Variants in KCNQ1 observed in about 807,000 individuals in gnomAD.
KCNQ1 encodes potassium voltage-gated channel subfamily KQT member 1.
In KCNQ1, 49 loss-of-function variants were observed where a neutral mutation model predicts 72.4. The ratio of observed to expected loss-of-function variants is 0.68; its 90% CI spans 0.54 to 0.86. The LOEUF (loss-of-function observed/expected upper bound fraction) is 0.86, where lower values mean the gene tolerates loss of function less well. Among genes scored for constraint, KCNQ1 ranks in the 40% least tolerant of loss-of-function variants. The pLI is 0.00. For missense variants in KCNQ1, 790 were observed against 945.1 expected (o/e 0.84, Z 2.15); for synonymous variants, 450 against 412.6 (o/e 1.09, Z -1.10).
chr11:2,734,027 A>G lies in KCNQ1; in HGVS notation c.1515-34817A>G, dbSNP rs1193795459. 6.6e-6 allele frequency among the ~76,000 whole-genome samples: 1 copy of G among 151,910 alleles called. No individual in the cohort carries two copies. The highest frequency in any genetic ancestry group is 6.6e-5 in the Admixed American group (1 of 15,262). On this transcript the variant is annotated intron_variant, in intron 11 of 15. Coordinates refer to ENST00000155840, the MANE Select transcript of KCNQ1 (RefSeq NM_000218.3). The surrounding 1 kb of genome is among the most constrained non-coding windows in gnomAD (Gnocchi z 7.0). ...TCAGAGCAGTTGCGCGCTCTAAATC[A>G]GGACCACCTTGCGGTTCTCCCAGCC... is the stretch of plus-strand genomic sequence containing the variant.
At chr11:2,586,195 C>A (rs547316947) in intron 8 of KCNQ1, among the ~76,000 whole-genome samples, 5 of 152,204 alleles carry the variant, frequency 3.3e-5, no homozygotes, top group Non-Finnish European at 7.4e-5. Context: ...GCCTGATGTC[C>A]CCCAGGAAGG....
Position 2,680,203 on chromosome 11 carries a change from A to G in KCNQ1, c.1514+18122A>G, listed in dbSNP as rs1422806559. ...CAATGCACCTGGCCTCAGCTTGCCT[A>G]ATTAAAAAAAAAAAAAAAAAAAAAG... On this transcript the variant is annotated intron_variant, in intron 11 of 15. Transcript: ENST00000155840. 5 of 366,736 alleles carry G rather than the reference A, an allele frequency of 1.4e-5. No individual in the cohort carries two copies. In the South Asian group the frequency reaches 5.0e-4, roughly 37 times the overall value. The allele number at this position is 366,736 out of a possible 1,614,324, so 22.7% of individuals were successfully genotyped here.
rs985241341 is a variant in KCNQ1 at position 2,769,756 on chromosome 11, C to T, written c.1590+837C>T. The stretch of plus-strand genomic sequence containing the variant: ...GGTGACTTGCCTGAGTCCCTTGGAG[C>T]GGGGGGCGTGTGACGTGCTTGAGTG... On this transcript the variant is annotated intron_variant, in intron 12 of 15. Coordinates refer to ENST00000155840, the MANE Select transcript of KCNQ1 (RefSeq NM_000218.3). This position sits in a 1 kb window ranked among gnomAD's most constrained non-coding sequence, Gnocchi z 4.6. Among the ~76,000 whole-genome samples the T allele has an allele frequency of 4.6e-5, 7 of 151,982 alleles. No homozygotes were observed. Among genetic ancestry groups the T allele is most frequent in the African/African-American group, 1.2e-4 (5 of 41,336 alleles).
In KCNQ1 at chr11:2,673,980, G is replaced by A. The variant is rs954551285; in HGVS notation, c.1514+11899G>A. ...AGCCACAAGGGGATGCCCAGCATTG[G>A]GGGTGGGGTGGGGGGAGGGCCCTCC... On this transcript the variant is annotated intron_variant, in intron 11 of 15. Coordinates refer to ENST00000155840, the MANE Select transcript of KCNQ1 (RefSeq NM_000218.3). This position sits in a 1 kb window ranked among gnomAD's most constrained non-coding sequence, Gnocchi z 4.5. The A allele has an allele frequency of 2.9e-5, 6 of 207,796 alleles. No individual in the cohort carries two copies. The highest frequency in any genetic ancestry group is 4.7e-5 in the Non-Finnish European group (5 of 107,452). The allele number at this position is 207,796 out of a possible 1,614,324, so 12.9% of individuals were successfully genotyped here.
At chr11:2,560,903 G>T (rs1329173038) in intron 2 of KCNQ1, among the ~76,000 whole-genome samples, 1 of 152,094 alleles carries the variant, frequency 6.6e-6, no homozygotes, top group African/African-American at 2.4e-5. Flanking sequence ...GGAGAGTGAG[G>T]CTGCGCGGTG....
chr11:2,726,331 G>T (rs889725603), intron 11 of KCNQ1, among the ~76,000 whole-genome samples: 1 of 152,252 alleles, frequency 6.6e-6, no homozygotes, highest in Non-Finnish European at 1.5e-5. Context: ...CCCCTGGATG[G>T]GTTTGGGGGA....
rs954808703 is a variant in KCNQ1, at chr11:2,826,483, C to T, written c.1795-21284C>T. Among the ~76,000 whole-genome samples the T allele has an allele frequency of 1.3e-5, 2 of 152,234 alleles. No individual in the cohort carries two copies. Among genetic ancestry groups the T allele is most frequent in the African/African-American group, 2.4e-5 (1 of 41,470 alleles). Reference sequence around the variant, plus strand: ...ACAGTCACGGAAACTCAGGCAGACCCGGCGTTGGGTGCGCCAGGCCGGTGT... The same window carrying T: ...ACAGTCACGGAAACTCAGGCAGACCTGGCGTTGGGTGCGCCAGGCCGGTGT... On this transcript the variant is annotated intron_variant, in intron 15 of 15. Transcript: ENST00000155840. This position sits in a 1 kb window ranked among gnomAD's most constrained non-coding sequence, Gnocchi z 4.2.
intron 11 of KCNQ1, chr11:2,685,716 G>A (rs2133885806): frequency 2.5e-6 from 1 of 398,698 alleles, no homozygotes; most frequent in Non-Finnish European, 4.4e-6. Context: ...CCCCAGGGAG[G>A]GTGCTCTGAC....
chr11:2,811,987 C>A (rs1350497731), intron 15 of KCNQ1, among the ~76,000 whole-genome samples: 1 of 152,130 alleles, frequency 6.6e-6, no homozygotes, highest in African/African-American at 2.4e-5. Context: ...TGGCACGCAG[C>A]CCCACCGGCT....
intron 1 of KCNQ1, among the ~76,000 whole-genome samples, chr11:2,506,986 G>A (rs1407622950): frequency 6.6e-6 from 1 of 152,156 alleles, no homozygotes; most frequent in Admixed American, 6.5e-5. Flanking sequence ...AATGTGAATT[G>A]TTTTCCCAGC....
rs1299046034 is a variant in KCNQ1, at chr11:2,848,513, A to AGGGCCT, written c.*519_*524dup. On this transcript the variant is annotated 3_prime_UTR_variant, in exon 16 of 16. Coordinates refer to ENST00000155840, the MANE Select transcript of KCNQ1 (RefSeq NM_000218.3). ...AATAAAAGCCCAGGAGCCCATTTGG[A>AGGGCCT]GGGCCTGGGCCTGGCTCCCTCACTC... The AGGGCCT allele has an allele frequency of 2.2e-6, 1 of 455,078 alleles. No homozygotes were observed. Among genetic ancestry groups the AGGGCCT allele is most frequent in the Non-Finnish European group, 4.4e-6 (1 of 227,422 alleles). 28.2% of individuals were successfully genotyped at this position (455,078 alleles called of 1,614,324 possible). A position where few individuals can be genotyped will look rare whatever the true frequency, so the allele number is the denominator to read the frequency against.
At chr11:2,485,035 T>C (rs2133617808) in intron 1 of KCNQ1, among the ~76,000 whole-genome samples, 1 of 152,258 alleles carries the variant, frequency 6.6e-6, no homozygotes, top group Non-Finnish European at 1.5e-5. Flanking sequence ...CTGGCGCCTG[T>C]GCATGGCGTC....
intron 12 of KCNQ1, 34 bp from the exon 13 acceptor site, chr11:2,775,926 G>T (rs1332997013): frequency 6.5e-7 from 1 of 1,547,276 alleles, no homozygotes; most frequent in African/African-American, 1.4e-5. Context: ...GGGGCACAGG[G>T]AGGAGAAGTG....
intron 11 of KCNQ1, chr11:2,699,050 G>A (rs1224894465): frequency 5.0e-6 from 2 of 398,436 alleles, no homozygotes; most frequent in Non-Finnish European, 4.4e-6. Flanking sequence ...GTCCCAATTC[G>A]GGCTTTGACT....
rs1278915966 is a variant in KCNQ1 at position 2,769,901 on chromosome 11, C to T, written c.1590+982C>T. On this transcript the variant is annotated intron_variant, in intron 12 of 15. Transcript: ENST00000155840. The surrounding 1 kb of genome is among the most constrained non-coding windows in gnomAD (Gnocchi z 4.6). ...AGGAAGGCTCAGCAATGTCCGCCGA[C>T]CACCAGGACCCACAGTCGGTGGCAT... Among the ~76,000 whole-genome samples the T allele has an allele frequency of 1.3e-5, 2 of 152,230 alleles. No homozygotes were observed. The highest frequency in any genetic ancestry group is 3.9e-4 in the East Asian group (2 of 5,176).
chr11:2,622,913 C>T, intron 10 of KCNQ1: 2 of 398,636 alleles, frequency 5.0e-6, no homozygotes, highest in Non-Finnish European at 8.8e-6. Context: ...AACATTAGGG[C>T]TCACTGTTGG....
At chr11:2,770,450 C>A (rs561983748) in intron 12 of KCNQ1, among the ~76,000 whole-genome samples, 1 of 152,264 alleles carries the variant, frequency 6.6e-6, no homozygotes, top group Non-Finnish European at 1.5e-5. Context: ...TCGGCCAGGC[C>A]CTTGCCAAGA....
chr11:2,510,588 A>G (rs1357561394), intron 1 of KCNQ1, among the ~76,000 whole-genome samples: 2 of 152,250 alleles, frequency 1.3e-5, no homozygotes, highest in African/African-American at 2.4e-5. Context: ...TCTGGGTGTC[A>G]GAACCAGGCC....
chr11:2,642,120 A>G lies in KCNQ1; in HGVS notation c.1394-19841A>G, dbSNP rs1459154985. 2.5e-6 allele frequency: 1 copy of G among 398,240 alleles called. No individual in the cohort carries two copies. The highest frequency in any genetic ancestry group is 4.4e-6 in the Non-Finnish European group (1 of 225,926). The allele number at this position is 398,240 out of a possible 1,614,324, so 24.7% of individuals were successfully genotyped here. Reference sequence around the variant, plus strand: ...GCTATTCCAGCTCTTTTTTGGTTCCATCTGAATTTTAGGATTTTTTCTATT... The same window carrying G: ...GCTATTCCAGCTCTTTTTTGGTTCCGTCTGAATTTTAGGATTTTTTCTATT... On this transcript the variant is annotated intron_variant, in intron 10 of 15. Coordinates refer to ENST00000155840, the MANE Select transcript of KCNQ1 (RefSeq NM_000218.3). This position sits in a 1 kb window ranked among gnomAD's most constrained non-coding sequence, Gnocchi z 4.3.
Sources: allele counts gnomAD v4.1 joint callset (sites outside exome capture counted in the v4.1 genomes callset), GRCh38; gene constraint gnomAD v4.1.1; non-coding constraint Gnocchi (gnomAD v3.1); transcripts MANE v1.5; gene names NCBI Gene and HGNC (gene_info 2026-07-23, HGNC 2026-07-21).